HEATR4: variants seen among roughly 807,000 people sequenced by gnomAD.
HEATR4 encodes HEAT repeat containing 4.
A neutral mutation model predicts 108.8 loss-of-function variants in HEATR4; 95 were observed. That is an observed-to-expected ratio of 0.87 (90% CI 0.74 to 1.04). The LOEUF is 1.04. Ranked by LOEUF, HEATR4 falls within the 50% of genes least tolerant of loss-of-function variation. The pLI, the probability that HEATR4 is intolerant of heterozygous loss-of-function variation, is 0.00. For synonymous variants in HEATR4, 443 were observed against 459.4 expected (o/e 0.96, Z 0.46); for missense variants, 1,152 against 1,253.8 (o/e 0.92, Z 1.23).
the HEATR4 span, among the ~76,000 whole-genome samples, chr14:73,570,109 A>AT: frequency 8.6e-6 from 1 of 116,794 alleles, no homozygotes; most frequent in African/African-American, 3.1e-5. Flanking sequence ...GGGGAGTTAC[A>AT]CTTTTTTTTT....
At chr14:73,589,954 G>A in the HEATR4 span, among the ~76,000 whole-genome samples, 1,936 of 152,190 alleles carry the variant, frequency 0.013, 43 homozygotes, top group African/African-American at 0.044. Flanking sequence ...TGGTGAGTTC[G>A]TGGTCTGGTA....
intron 17 of HEATR4, chr14:73,490,989 C>A: frequency 7.5e-7 from 1 of 1,337,246 alleles, no homozygotes; most frequent in South Asian, 2.1e-5. Flanking sequence ...CCCGGCCGGC[C>A]GGGCGGGGAA....
intron 17 of HEATR4, among the ~76,000 whole-genome samples, chr14:73,480,214 G>A (rs1885193648): frequency 6.6e-6 from 1 of 152,174 alleles, no homozygotes; most frequent in Admixed American, 6.5e-5. Context: ...GGCCAAGGCA[G>A]GCAGCTCACT....
the HEATR4 span, chr14:73,631,768 G>A: frequency 6.5e-6 from 1 of 154,376 alleles, no homozygotes; most frequent in South Asian, 2.0e-4. Context: ...CTGGCCTGAG[G>A]TTGAACTGGG....
chr14:73,496,409 C>G (rs1169722826), intron 15 of HEATR4, among the ~76,000 whole-genome samples, 192 bp downstream of exon 15: 1 of 152,148 alleles, frequency 6.6e-6, no homozygotes, highest in African/African-American at 2.4e-5. Context: ...TTTGTCTTTA[C>G]TAGTAGGACC....
chr14:73,619,405 G>T, the HEATR4 span: 1 of 1,614,130 alleles, frequency 6.2e-7, no homozygotes, highest in Non-Finnish European at 8.5e-7. Context: ...ACTTGTCGAT[G>T]ATCTAGGAAA....
the HEATR4 span, among the ~76,000 whole-genome samples, chr14:73,626,547 G>T: frequency 6.6e-6 from 1 of 152,082 alleles, no homozygotes. Flanking sequence ...GTGCAAGTTT[G>T]CCAGGTGTGA....
At position 73,487,151 on chromosome 14, in the gene HEATR4, A is replaced by AT. The variant is rs937424155; in HGVS notation, c.2844+5914dup. On this transcript the variant is annotated intron_variant, in intron 17 of 17. Transcript: ENST00000553558. ...AAAAAAAGAATGTCAATTTCCTTTGATTTTTTTAAAAGGGAATTCTATTGA... is the reference window on the plus strand; with the variant it reads ...AAAAAAAGAATGTCAATTTCCTTTGATTTTTTTTAAAAGGGAATTCTATTGA... 1.8e-4 allele frequency among the ~76,000 whole-genome samples: 25 copies of AT among 136,020 alleles called. 1 individual carries two copies. Among genetic ancestry groups the AT allele is most frequent in the Non-Finnish European group, 2.8e-4 (18 of 63,810 alleles). The allele number at this position is 136,020 out of a possible 152,430, so 89.2% of individuals were successfully genotyped here. A position where few individuals can be genotyped will look rare whatever the true frequency, so the allele number is the denominator to read the frequency against.
chr14:73,482,197 C>T (rs1885287103), intron 17 of HEATR4, among the ~76,000 whole-genome samples: 1 of 151,810 alleles, frequency 6.6e-6, no homozygotes, highest in Non-Finnish European at 1.5e-5. Flanking sequence ...ACCAGCCTGG[C>T]CAACATGGTG....
At chr14:73,512,474 T>C (rs1887326394) in intron 6 of HEATR4, among the ~76,000 whole-genome samples, 1 of 152,176 alleles carries the variant, frequency 6.6e-6, no homozygotes, top group Non-Finnish European at 1.5e-5. Context: ...TTTTCAGACA[T>C]ACCTGGTTTG....
the HEATR4 span, among the ~76,000 whole-genome samples, chr14:73,606,197 A>G: frequency 6.6e-6 from 1 of 152,098 alleles, no homozygotes; most frequent in Non-Finnish European, 1.5e-5. Flanking sequence ...TCTCTACTAA[A>G]AATACAAAAT....
chr14:73,528,392 C>CAAAAAAAAAAAAAAAAAA, intron 2 of HEATR4, among the ~76,000 whole-genome samples: 1 of 88,518 alleles, frequency 1.1e-5, no homozygotes, highest in African/African-American at 4.8e-5. Flanking sequence ...AACTTCATCT[C>CAAAAAAAAAAAAAAAAAA]AAAAAAAAAA....
intron 7 of HEATR4, among the ~76,000 whole-genome samples, chr14:73,509,983 C>T (rs541825257): frequency 7.1e-4 from 106 of 150,102 alleles, no homozygotes; most frequent in African/African-American, 2.5e-3. Flanking sequence ...ACACCATTCT[C>T]CTGCCTCAGC....
rs1888990708 is a variant in HEATR4 at position 73,539,250 on chromosome 14, CTA to C, written c.-151-9008_-151-9007del. 1.7e-5 allele frequency: 2 copies of C among 114,904 alleles called. 1 individual carries two copies. The highest frequency in any genetic ancestry group is 5.5e-4 in the South Asian group (2 of 3,630). The allele number at this position is 114,904 out of a possible 1,614,324, so 7.1% of individuals were successfully genotyped here. On this transcript the variant is annotated intron_variant, in intron 1 of 17. Coordinates refer to ENST00000553558, the MANE Select transcript of HEATR4 (RefSeq NM_001220484.1). ...TGCTGCCTAGCTCCCTGCTGGCTGG[CTA>C]TGATCTCCGTCCTGTTACCATTCCA...
intron 5 of HEATR4, among the ~76,000 whole-genome samples, chr14:73,515,337 C>A (rs748652057): frequency 6.6e-6 from 1 of 152,152 alleles, no homozygotes; most frequent in Admixed American, 6.5e-5. Context: ...TGAATCAATT[C>A]TTTCCTTTGA....
intron 17 of HEATR4, among the ~76,000 whole-genome samples, chr14:73,490,317 T>C (rs7147193): frequency 6.6e-6 from 1 of 151,244 alleles, no homozygotes; most frequent in Admixed American, 6.6e-5. Context: ...AAATTATTAT[T>C]TATTTTTATT....
chr14:73,589,662 T>G, the HEATR4 span, among the ~76,000 whole-genome samples: 2 of 152,124 alleles, frequency 1.3e-5, no homozygotes, highest in African/African-American at 2.4e-5. Context: ...TAAACTGACA[T>G]GTATGGCCAG....
chr14:73,593,624 T>G, the HEATR4 span: 1 of 1,388,402 alleles, frequency 7.2e-7, no homozygotes, highest in Non-Finnish European at 9.8e-7. Context: ...ATTACAAGCA[T>G]GAACCACAGT....
At chr14:73,516,482 G>A (rs562640927) in intron 5 of HEATR4, among the ~76,000 whole-genome samples, 16 of 141,690 alleles carry the variant, frequency 1.1e-4, no homozygotes, top group Non-Finnish European at 2.3e-4. Context: ...ATGGATTTGC[G>A]GTGAGCAAGT....
Sources: allele counts gnomAD v4.1 joint callset (sites outside exome capture counted in the v4.1 genomes callset), GRCh38; gene constraint gnomAD v4.1.1; transcripts MANE v1.5; gene names NCBI Gene and HGNC (gene_info 2026-07-23, HGNC 2026-07-21).